CHD9: variants seen among roughly 807,000 people sequenced by gnomAD.
The protein encoded by CHD9 is chromodomain helicase DNA binding protein 9.
Under a neutral mutation model 316.1 loss-of-function variants are expected in CHD9, and 77 were observed. The observed-to-expected ratio is 0.24, with a 90% CI of 0.20 to 0.29. CHD9 has a LOEUF of 0.29. Among genes scored for constraint, CHD9 ranks in the 10% least tolerant of loss-of-function variants. CHD9 has a pLI of 1.00. For missense variants in CHD9, 2,763 were observed against 3,438.1 expected (o/e 0.80, Z 4.91); for synonymous variants, 1,129 against 1,158.3 (o/e 0.97, Z 0.51).
rs757414572 is a variant in CHD9, at chr16:53,226,426, C to A, written c.1957C>A (p.Gln653Lys). 1 of 1,601,916 alleles carries A rather than the reference C, an allele frequency of 6.2e-7. No homozygotes were observed. The highest frequency in any genetic ancestry group is 8.5e-7 in the Non-Finnish European group (1 of 1,175,436). Residue 653 changes from glutamine (Q) to lysine (K), a missense_variant, in exon 5 of 39, where the codon CAA becomes AAA. Gln to Lys is a moderately conservative substitution (Grantham distance 53). This residue lies in a region of CHD9 where 859 missense variants were observed against 890.4 expected (regional missense o/e 0.96). Coordinates refer to ENST00000447540, the MANE Select transcript of CHD9 (RefSeq NM_001308319.2). ...ATACGCAGAAGATATAGAAGGGAAGCAATCTGAAGAAGAGGTTAAAGGTTC... is the reference window on the plus strand; with the variant it reads ...ATACGCAGAAGATATAGAAGGGAAGAAATCTGAAGAAGAGGTTAAAGGTTC... ...KKYAEDIEGK[Q>K]SEEEVKGSMK...
Position 53,156,607 on chromosome 16 carries a change from AGT to A in CHD9, c.521_522del (p.Cys174TyrfsTer11). ...TTTCAGGCCAATGAACAACAAACAC[AGT>A]GTACTTCACTACGCTCACAACAAAA... On this transcript the variant is annotated frameshift_variant, in exon 2 of 39. Coordinates refer to ENST00000447540, the MANE Select transcript of CHD9 (RefSeq NM_001308319.2). LOFTEE classifies it high-confidence loss of function. 1 of 1,613,984 alleles carries A rather than the reference AGT, an allele frequency of 6.2e-7. No homozygotes were observed. Among genetic ancestry groups the A allele is most frequent in the Non-Finnish European group, 8.5e-7 (1 of 1,179,888 alleles).
At chr16:53,135,233 T>G (rs889674109) in intron 1 of CHD9, among the ~76,000 whole-genome samples, 4 of 151,996 alleles carry the variant, frequency 2.6e-5, no homozygotes, top group Admixed American at 6.5e-5. Flanking sequence ...AAATGAGAGA[T>G]AGAAAGCAGA....
chr16:53,268,934 C>G (rs1215104090), intron 22 of CHD9, among the ~76,000 whole-genome samples: 1 of 152,090 alleles, frequency 6.6e-6, no homozygotes, highest in African/African-American at 2.4e-5. Flanking sequence ...TCCTGAGTAG[C>G]TGGGACCACA....
intron 2 of CHD9, among the ~76,000 whole-genome samples, chr16:53,183,278 A>T (rs191755891): frequency 1.5e-4 from 23 of 151,916 alleles, no homozygotes; most frequent in Admixed American, 1.3e-3. Flanking sequence ...ACCATTGAAA[A>T]CCTCAGGCCC....
chr16:53,270,339 C>G (rs947242568), intron 22 of CHD9, among the ~76,000 whole-genome samples: 6 of 151,804 alleles, frequency 4.0e-5, no homozygotes, highest in African/African-American at 1.2e-4. Flanking sequence ...TCTTTATTAA[C>G]TAATTAGAAT....
Position 53,273,840 on chromosome 16 carries a change from A to G in CHD9, c.4877+55A>G, listed in dbSNP as rs2052529906. ...TTTAAATGTTTACTGTTCTGAATTT[A>G]TTAATACTCTTTAAGCTTGCTGATT... is the stretch of plus-strand genomic sequence containing the variant. On this transcript the variant is annotated intron_variant, in intron 23 of 38. Transcript: ENST00000447540. The G allele has an allele frequency of 6.1e-6, 9 of 1,470,202 alleles. No individual in the cohort carries two copies. In the East Asian group the frequency reaches 6.8e-5, roughly 11 times the overall value. The allele number at this position is 1,470,202 out of a possible 1,614,324, so 91.1% of individuals were successfully genotyped here. A position where few individuals can be genotyped will look rare whatever the true frequency, so the allele number is the denominator to read the frequency against.
chr16:53,240,374 G>A (rs1194134231), intron 12 of CHD9, among the ~76,000 whole-genome samples: 1 of 152,058 alleles, frequency 6.6e-6, no homozygotes, highest in Non-Finnish European at 1.5e-5. Context: ...TGTCACATGA[G>A]TTTGGCATAA....
At chr16:53,177,502 A>G (rs1392146698) in intron 2 of CHD9, among the ~76,000 whole-genome samples, 2 of 152,188 alleles carry the variant, frequency 1.3e-5, no homozygotes, top group Non-Finnish European at 2.9e-5. Context: ...AAGGAGCCTT[A>G]ATCATTTAAT....
At chr16:53,056,774 T>C (rs1375470112) in intron 1 of CHD9, among the ~76,000 whole-genome samples, 1 of 152,198 alleles carries the variant, frequency 6.6e-6, no homozygotes, top group Non-Finnish European at 1.5e-5. Context: ...GTTTTCCAGA[T>C]GCTAGAGATA....
chr16:53,088,882 G>C (rs1267237541), intron 1 of CHD9, among the ~76,000 whole-genome samples: 3 of 152,030 alleles, frequency 2.0e-5, no homozygotes, highest in African/African-American at 7.2e-5. Context: ...GAGAGGCTGA[G>C]GCAGGCGGAT....
chr16:53,292,980 G>C lies in CHD9; in HGVS notation c.5438G>C (p.Ser1813Thr). 5.0e-6 allele frequency: 8 copies of C among 1,613,830 alleles called. No homozygotes were observed. The highest frequency in any genetic ancestry group is 1.1e-5 in the South Asian group (1 of 91,056). The change falls in exon 29 of 39, where the codon AGT (serine) becomes ACT (threonine). Residue 1813 changes from serine (S) to threonine (T), a missense_variant. Transcript: ENST00000447540. ...QIQPTFSVPT[S>T]VMQPIYEEAT... Reference sequence around the variant, plus strand: ...CAACCGACTTTCTCGGTGCCTACCAGTGTAATGCAGCCTATTTATGAGGAA... The same window carrying C: ...CAACCGACTTTCTCGGTGCCTACCACTGTAATGCAGCCTATTTATGAGGAA...
chr16:53,228,685 A>G (rs891484211), intron 7 of CHD9, among the ~76,000 whole-genome samples: 10 of 152,110 alleles, frequency 6.6e-5, no homozygotes, highest in African/African-American at 2.4e-4. Context: ...TCTGATAATG[A>G]CAAAACTGTT....
At chr16:53,072,332 T>TA (rs1247951499) in intron 1 of CHD9, among the ~76,000 whole-genome samples, 2 of 151,542 alleles carry the variant, frequency 1.3e-5, no homozygotes, top group Admixed American at 6.6e-5. Flanking sequence ...TTTTTTTTTT[T>TA]TATAATTGGG....
intron 24 of CHD9, 121 bp from the exon 25 acceptor site, chr16:53,285,475 A>AAAC: frequency 6.3e-6 from 2 of 319,536 alleles, no homozygotes; most frequent in Non-Finnish European, 9.9e-6. Flanking sequence ...AAGGATTAAA[A>AAAC]AATAATGAAA....
chr16:53,233,821 T>G (rs1263990417), intron 10 of CHD9, among the ~76,000 whole-genome samples: 1 of 152,198 alleles, frequency 6.6e-6, no homozygotes, highest in Admixed American at 6.5e-5. Flanking sequence ...TCACACCTGA[T>G]TATCCTGATA....
chr16:53,092,785 T>C (rs1020858991), intron 1 of CHD9, among the ~76,000 whole-genome samples: 2 of 152,090 alleles, frequency 1.3e-5, no homozygotes, highest in African/African-American at 4.8e-5. Flanking sequence ...TATTTATTTA[T>C]TTATTTATTT....
chr16:53,321,983 T>C (rs191513431), intron 38 of CHD9, among the ~76,000 whole-genome samples: 61 of 145,058 alleles, frequency 4.2e-4, no homozygotes, highest in African/African-American at 1.4e-3. Flanking sequence ...TATGCAATTT[T>C]TTTTCTTTTT....
At position 53,247,229 on chromosome 16, in the gene CHD9, G is replaced by A. The variant is rs1301352259; in HGVS notation, c.3455-64G>A. 2.6e-6 allele frequency: 3 copies of A among 1,158,056 alleles called. No individual in the cohort carries two copies. In the African/African-American group the frequency reaches 4.6e-5, roughly 18 times the overall value. The allele number at this position is 1,158,056 out of a possible 1,614,324, so 71.7% of individuals were successfully genotyped here. ...ACAGGAGCACTAATTGTGATTAAAA[G>A]GAAAGCAATTGGGAATTTCCTGCAT... On this transcript the variant is annotated intron_variant, in intron 15 of 38. Transcript: ENST00000447540.
At chr16:53,317,246 G>C (rs191613604) in intron 36 of CHD9, among the ~76,000 whole-genome samples, 49 of 151,798 alleles carry the variant, frequency 3.2e-4, no homozygotes, top group Non-Finnish European at 5.9e-4. Context: ...TCCAGAGTAC[G>C]TGGAGGAGTG....
Sources: gnomAD v4.1 joint callset for allele counts (sites outside exome capture counted in the v4.1 genomes callset) on GRCh38, gnomAD v4.1.1 for gene constraint, gnomAD v4.1.1 regional missense constraint, MANE v1.5 for transcripts, NCBI Gene and HGNC (gene_info 2026-07-23, HGNC 2026-07-21) for gene names.